GLIS1: variants seen among roughly 807,000 people sequenced by gnomAD.
The protein encoded by GLIS1 is zinc finger protein GLIS1.
A neutral mutation model predicts 63.8 loss-of-function variants in GLIS1; 24 were observed. The ratio of observed to expected loss-of-function variants is 0.38; its 90% CI spans 0.27 to 0.53. The LOEUF is 0.53. GLIS1 is among the 20% of genes least tolerant of loss of function. The pLI is 0.85. For synonymous variants in GLIS1, 450 were observed against 482.5 expected (o/e 0.93, Z 0.88); for missense variants, 1,036 against 1,074.1 (o/e 0.96, Z 0.50).
intron 6 of GLIS1, among the ~76,000 whole-genome samples, chr1:53,523,371 C>T (rs943768980): frequency 5.3e-5 from 8 of 152,160 alleles, no homozygotes; most frequent in African/African-American, 1.9e-4. Flanking sequence ...CCCCTTGCTC[C>T]CAGCACCCCA....
intron 2 of GLIS1, among the ~76,000 whole-genome samples, chr1:53,632,230 G>A (rs140379276): frequency 6.6e-6 from 1 of 151,190 alleles, no homozygotes. Flanking sequence ...GTGACTGAGT[G>A]TGACTGAGGG....
chr1:53,570,634 C>T (rs1569846217), intron 4 of GLIS1, among the ~76,000 whole-genome samples: 3 of 152,006 alleles, frequency 2.0e-5, no homozygotes, highest in East Asian at 3.9e-4. Flanking sequence ...ACAGAAGTGC[C>T]CAGAAATAGG....
intron 2 of GLIS1, among the ~76,000 whole-genome samples, chr1:53,728,586 T>C (rs1646828059): frequency 6.6e-6 from 1 of 152,192 alleles, no homozygotes; most frequent in Admixed American, 6.5e-5. Flanking sequence ...CAGCACCCTA[T>C]ACATTTCTTA....
intron 2 of GLIS1, among the ~76,000 whole-genome samples, chr1:53,636,838 C>T (rs557096432): frequency 1.3e-5 from 2 of 152,346 alleles, no homozygotes; most frequent in South Asian, 2.1e-4. Context: ...CTGTTTCTGA[C>T]TTTGCTTCCT....
At chr1:53,512,672 A>G (rs1014748598) in intron 8 of GLIS1, among the ~76,000 whole-genome samples, 1 of 152,042 alleles carries the variant, frequency 6.6e-6, no homozygotes, top group Non-Finnish European at 1.5e-5. Context: ...CGAGGCTCCT[A>G]CCCGCAGGCA....
chr1:53,569,475 ATT>A (rs34118422), intron 4 of GLIS1, among the ~76,000 whole-genome samples: 1 of 117,128 alleles, frequency 8.5e-6, no homozygotes, highest in African/African-American at 2.6e-5. Context: ...AAGAAAGTCT[ATT>A]TTTTTTTTTA....
Position 53,615,816 on chromosome 1 carries a change from C to T in GLIS1, c.260-15538G>A, listed in dbSNP as rs145730701. Reference sequence around the variant, plus strand: ...AGGCTGGAGTGGGATGGCACCATCTCGGCTCACTGCAACCTCCACCTCCTG... The same window carrying T: ...AGGCTGGAGTGGGATGGCACCATCTTGGCTCACTGCAACCTCCACCTCCTG... On this transcript the variant is annotated intron_variant, in intron 2 of 10. Coordinates refer to ENST00000628545, the MANE Select transcript of GLIS1 (RefSeq NM_001367484.1). 7.5e-3 allele frequency among the ~76,000 whole-genome samples: 1,142 copies of T among 151,996 alleles called. 24 individuals are homozygous for T. Among genetic ancestry groups the T allele is most frequent in the African/African-American group, 0.027 (1,112 of 41,422 alleles).
chr1:53,598,602 G>A lies in GLIS1; in HGVS notation c.437+1499C>T, dbSNP rs532424520. ...CCACGTGAGTACTCAGCGACAAGGC[G>A]GTCATCTGCGAGCTAAGGAGAGAGG... On this transcript the variant is annotated intron_variant, in intron 3 of 10. Transcript: ENST00000628545. This position sits in a 1 kb window ranked among gnomAD's most constrained non-coding sequence, Gnocchi z 4.6. 3.3e-5 allele frequency among the ~76,000 whole-genome samples: 5 copies of A among 152,098 alleles called. No homozygotes were observed. Among genetic ancestry groups the A allele is most frequent in the Admixed American group, 2.0e-4 (3 of 15,296 alleles).
At chr1:53,636,974 C>T (rs1382926842) in intron 2 of GLIS1, among the ~76,000 whole-genome samples, 1 of 152,230 alleles carries the variant, frequency 6.6e-6, no homozygotes, top group African/African-American at 2.4e-5. Context: ...TAGCCCCTCA[C>T]GTACAACAGG....
At chr1:53,626,959 T>C (rs1176303957) in intron 2 of GLIS1, among the ~76,000 whole-genome samples, 1 of 152,244 alleles carries the variant, frequency 6.6e-6, no homozygotes, top group African/African-American at 2.4e-5. Context: ...TGGAAGGGCT[T>C]TGTAAACTGT....
At chr1:53,713,516 A>G (rs1646667119) in intron 2 of GLIS1, among the ~76,000 whole-genome samples, 1 of 151,926 alleles carries the variant, frequency 6.6e-6, no homozygotes, top group Non-Finnish European at 1.5e-5. Context: ...TCTCTTCAAG[A>G]CCAGCCTGGG....
chr1:53,736,522 G>A (rs1406199802), intron 2 of GLIS1, among the ~76,000 whole-genome samples: 5 of 152,088 alleles, frequency 3.3e-5, no homozygotes, highest in African/African-American at 7.2e-5. Context: ...CTCATGTCTC[G>A]CTGCGCAGCG....
intron 2 of GLIS1, among the ~76,000 whole-genome samples, chr1:53,663,462 C>G (rs1200906281): frequency 6.6e-6 from 1 of 152,230 alleles, no homozygotes; most frequent in African/African-American, 2.4e-5. Context: ...ATCCAAAGAC[C>G]ACTCCAGGCA....
intron 4 of GLIS1, among the ~76,000 whole-genome samples, chr1:53,555,932 GGTGTGTGTGCAGGTGTACTGCAGGTAT>G (rs1644816514): frequency 7.6e-6 from 1 of 131,284 alleles, no homozygotes. Flanking sequence ...GTGTATTGCA[GGTGTGTGTGCAGGTGTACTGCAGGTAT>G]GTGTGTGTGC....
Position 53,635,227 on chromosome 1 carries a change from C to T in GLIS1, c.260-34949G>A, listed in dbSNP as rs1037820806. Among the ~76,000 whole-genome samples the T allele has an allele frequency of 4.0e-5, 6 of 151,850 alleles. No homozygotes were observed. The South Asian group carries it at 6.3e-4, about 16-fold the overall frequency. On this transcript the variant is annotated intron_variant, in intron 2 of 10. Coordinates refer to ENST00000628545, the MANE Select transcript of GLIS1 (RefSeq NM_001367484.1). ...GGGTCCACAGTAATACTTAGGAAACCGACCGTGGACTGGGCCATAGAGCAA... is the reference window on the plus strand; with the variant it reads ...GGGTCCACAGTAATACTTAGGAAACTGACCGTGGACTGGGCCATAGAGCAA...
At chr1:53,590,174 C>A (rs72904953) in intron 4 of GLIS1, among the ~76,000 whole-genome samples, 4,984 of 152,212 alleles carry the variant, frequency 0.033, 291 homozygotes, top group African/African-American at 0.12. Context: ...CTCTTTTATC[C>A]CTAATCACAA....
At chr1:53,709,383 T>TATACATATACATATATATATATATAC (rs1557534377) in intron 2 of GLIS1, among the ~76,000 whole-genome samples, 1 of 40,904 alleles carries the variant, frequency 2.4e-5, no homozygotes, top group African/African-American at 9.7e-5. Flanking sequence ...TATACATATA[T>TATACATATACATATATATATATATAC]ACATATATAT....
At chr1:53,544,639 C>G (rs926796295) in intron 4 of GLIS1, among the ~76,000 whole-genome samples, 3 of 152,238 alleles carry the variant, frequency 2.0e-5, no homozygotes, top group African/African-American at 7.2e-5. Context: ...CCAGCTGTAG[C>G]TGGCTCCCCA....
intron 2 of GLIS1, 23 bp downstream of exon 2, chr1:53,737,783 C>A: frequency 8.1e-7 from 1 of 1,230,938 alleles, no homozygotes; most frequent in Non-Finnish European, 1.0e-6. Flanking sequence ...AGCCGCCAGG[C>A]ACGTTGGCAG....
Sources: gnomAD v4.1 joint callset for allele counts (sites outside exome capture counted in the v4.1 genomes callset) on GRCh38, gnomAD v4.1.1 for gene constraint, Gnocchi (gnomAD v3.1) non-coding constraint, MANE v1.5 for transcripts, NCBI Gene and HGNC (gene_info 2026-07-23, HGNC 2026-07-21) for gene names.